The following IL19 variants were observed in gnomAD, a reference collection of about 807,000 sequenced individuals.
The protein encoded by IL19 is interleukin-19.
A neutral mutation model predicts 19.5 loss-of-function variants in IL19; 15 were observed. That is an observed-to-expected ratio of 0.77 (90% confidence interval 0.52 to 1.19). The LOEUF (loss-of-function observed/expected upper bound fraction) is 1.19. Among genes scored for constraint, IL19 ranks in the 50% most tolerant of loss-of-function variants. The probability of loss-of-function intolerance (pLI) is 0.00; values close to 1 mark genes in which losing one functional copy is unlikely to be tolerated. For missense variants in IL19, 199 were observed against 213.1 expected, an observed-to-expected ratio of 0.93 and a Z score of 0.41; for synonymous variants, 78 against 78.3, an observed-to-expected ratio of 1.00 and a Z score of 0.02.
At chr1:206,823,133 T>C (rs188680690) in intron 2 of IL19, among the ~76,000 whole-genome samples, 1 of 152,098 alleles carries the variant, frequency 6.6e-6, no homozygotes, top group Non-Finnish European at 1.5e-5. Context: ...TTTCTCCATG[T>C]TGGCCAGGCT....
intron 1 of IL19, among the ~76,000 whole-genome samples, chr1:206,774,438 T>G (rs1189100889): frequency 6.6e-6 from 1 of 152,170 alleles, no homozygotes; most frequent in Non-Finnish European, 1.5e-5. Context: ...ACCTTTCTCC[T>G]TCCCCCTCGG....
At position 206,842,567 on chromosome 1, in the gene IL19, T is replaced by G; in HGVS notation, c.479T>G (p.Leu160Arg). 1 of 1,576,936 alleles carries G rather than the reference T, an allele frequency of 6.3e-7. No homozygotes were observed. The highest frequency in any genetic ancestry group is 8.6e-7 in the Non-Finnish European group (1 of 1,159,200). Residue 160 changes from leucine (L) to arginine (R), a missense_variant, in exon 7 of 7, where the codon CTC becomes CGC. By Grantham distance (102) the Leu-to-Arg change is moderately radical. Transcript: ENST00000659997. ...GCTGCCATTAAATCCCTGGGAGAGC[T>G]CGACGTCTTTCTAGCCTGGATTAAT... is the stretch of plus-strand genomic sequence containing the variant. ...HAAAIKSLGE[L>R]DVFLAWINKN...
intron 2 of IL19, among the ~76,000 whole-genome samples, chr1:206,800,317 C>T (rs1432733498): frequency 6.6e-6 from 1 of 152,194 alleles, no homozygotes; most frequent in African/African-American, 2.4e-5. Context: ...TGTAAGTCTC[C>T]AGCATTGCCC....
intron 2 of IL19, among the ~76,000 whole-genome samples, chr1:206,817,476 T>C (rs1676186657): frequency 6.6e-6 from 1 of 152,240 alleles, no homozygotes; most frequent in African/African-American, 2.4e-5. Flanking sequence ...CAAGACACTT[T>C]TGTGCAGTAA....
At chr1:206,775,359 G>C (rs1674967459) in intron 1 of IL19, among the ~76,000 whole-genome samples, 1 of 152,112 alleles carries the variant, frequency 6.6e-6, no homozygotes, top group South Asian at 2.1e-4. Context: ...GCCCGGATCT[G>C]ACTTCTTTAT....
At chr1:206,827,735 C>T (rs564282302) in intron 2 of IL19, among the ~76,000 whole-genome samples, 3 of 151,916 alleles carry the variant, frequency 2.0e-5, no homozygotes, top group Non-Finnish European at 4.4e-5. Flanking sequence ...GAACAAAATG[C>T]TTCTCTCTGG....
intron 1 of IL19, among the ~76,000 whole-genome samples, chr1:206,787,806 C>T (rs1675301508): frequency 6.6e-6 from 1 of 152,214 alleles, no homozygotes; most frequent in Non-Finnish European, 1.5e-5. Flanking sequence ...TTTCTCAGAA[C>T]CAGCAGTAGG....
chr1:206,821,167 G>A (rs182886423), intron 2 of IL19, among the ~76,000 whole-genome samples: 19 of 152,320 alleles, frequency 1.2e-4, no homozygotes, highest in East Asian at 5.8e-4. Flanking sequence ...CCATAGCATA[G>A]TGTGTAAGAT....
chr1:206,811,270 C>T (rs1676000973), intron 2 of IL19, among the ~76,000 whole-genome samples: 1 of 151,744 alleles, frequency 6.6e-6, no homozygotes, highest in Non-Finnish European at 1.5e-5. Flanking sequence ...TGGTGACCCC[C>T]ACCTCTACTA....
intron 1 of IL19, among the ~76,000 whole-genome samples, chr1:206,773,822 C>T (rs1800893): frequency 0.41 from 61,936 of 151,966 alleles, 13,402 homozygotes; most frequent in Non-Finnish European, 0.49. Context: ...GGGAGGAACA[C>T]TGACCTAGGT....
chr1:206,787,355 C>T (rs1011021307), intron 1 of IL19, among the ~76,000 whole-genome samples: 1 of 152,184 alleles, frequency 6.6e-6, no homozygotes, highest in African/African-American at 2.4e-5. Flanking sequence ...TGTGAGATGT[C>T]TTTGCCTGCA....
intron 1 of IL19, among the ~76,000 whole-genome samples, chr1:206,789,245 A>G (rs1675337012): frequency 6.6e-6 from 1 of 152,230 alleles, no homozygotes; most frequent in Non-Finnish European, 1.5e-5. Context: ...TGCTCTGACC[A>G]TTAGGGTCAT....
intron 2 of IL19, among the ~76,000 whole-genome samples, chr1:206,808,691 T>C (rs972268624): frequency 2.0e-5 from 3 of 152,068 alleles, no homozygotes; most frequent in African/African-American, 7.2e-5. Context: ...GTGTAGAAAG[T>C]GTTGCCATGA....
At chr1:206,807,212 G>A (rs1348987790) in intron 2 of IL19, among the ~76,000 whole-genome samples, 1 of 152,104 alleles carries the variant, frequency 6.6e-6, no homozygotes. Context: ...CTCCCACCAG[G>A]TCCCTCCCAT....
At chr1:206,808,204 G>T (rs963441169) in intron 2 of IL19, among the ~76,000 whole-genome samples, 1 of 152,190 alleles carries the variant, frequency 6.6e-6, no homozygotes, top group Non-Finnish European at 1.5e-5. Context: ...GGTGATATAT[G>T]CCTGTAATCC....
intron 1 of IL19, among the ~76,000 whole-genome samples, chr1:206,772,929 T>C (rs986888536): frequency 6.6e-6 from 1 of 152,160 alleles, no homozygotes; most frequent in African/African-American, 2.4e-5. Context: ...AGACTTCTCC[T>C]TGCTAACTTA....
At chr1:206,833,033 A>T (rs1676664662) in intron 2 of IL19, among the ~76,000 whole-genome samples, 1 of 152,186 alleles carries the variant, frequency 6.6e-6, no homozygotes, top group Non-Finnish European at 1.5e-5. Flanking sequence ...ACCTCATCCC[A>T]AGGTCACTTC....
At chr1:206,827,670 G>T (rs1315399792) in intron 2 of IL19, among the ~76,000 whole-genome samples, 6 of 148,772 alleles carry the variant, frequency 4.0e-5, no homozygotes, top group Non-Finnish European at 8.9e-5. Flanking sequence ...CAGCCTGGGT[G>T]ACAGCGAGAC....
intron 1 of IL19, among the ~76,000 whole-genome samples, chr1:206,780,838 A>G (rs56296373): frequency 0.022 from 3,336 of 152,292 alleles, 70 homozygotes; most frequent in South Asian, 0.054. Context: ...CAGCTGTCTA[A>G]GATGTGTTCG....
Sources: gnomAD v4.1 joint callset for allele counts (sites outside exome capture counted in the v4.1 genomes callset) on GRCh38, gnomAD v4.1.1 for gene constraint, MANE v1.5 for transcripts, NCBI Gene and HGNC (gene_info 2026-07-23, HGNC 2026-07-21) for gene names.